The following ERMP1 variants were observed in gnomAD, a reference collection of about 807,000 sequenced individuals.
The protein encoded by ERMP1 is endoplasmic reticulum metallopeptidase 1, also known as Felix-ina.
ERMP1 carries 86 observed loss-of-function variants against 92.0 expected under a neutral mutation model. The observed-to-expected ratio is 0.93, with a 90% CI of 0.79 to 1.12. The LOEUF is 1.12. Ranked by LOEUF, ERMP1 falls within the 50% of genes most tolerant of loss-of-function variation. The pLI, the probability that ERMP1 is intolerant of heterozygous loss-of-function variation, is 0.00. For synonymous variants in ERMP1, 530 were observed against 412.8 expected, an observed-to-expected ratio of 1.28 and a Z score of -3.44; for missense variants, 1,342 against 1,116.3, an observed-to-expected ratio of 1.20 and a Z score of -2.88.
At chr9:5,823,701 A>T (rs1385511772) in intron 4 of ERMP1, among the ~76,000 whole-genome samples, 195 bp downstream of exon 4, 1 of 150,888 alleles carries the variant, frequency 6.6e-6, no homozygotes, top group Non-Finnish European at 1.5e-5. Context: ...GCATATAATA[A>T]GCACTATACA....
At chr9:5,801,442 T>A in intron 10 of ERMP1, 114 bp from the exon 11 acceptor site, 1 of 926,906 alleles carries the variant, frequency 1.1e-6, no homozygotes, top group Non-Finnish European at 1.6e-6. Flanking sequence ...GAAGAAAATT[T>A]ATCAGCAGGT....
intron 4 of ERMP1, among the ~76,000 whole-genome samples, chr9:5,817,433 G>A (rs568529062): frequency 1.3e-5 from 2 of 152,188 alleles, no homozygotes; most frequent in East Asian, 1.9e-4. Flanking sequence ...CAGGTGATCC[G>A]CCCGCCTTGG....
Position 5,787,129 on chromosome 9 carries a change from A to G in ERMP1, c.*15T>C. ...GAGTATCCACTGGGCATGTACTTAG[A>G]GCTCATCCACAAGATTAAAATACAA... On this transcript the variant is annotated 3_prime_UTR_variant, in exon 15 of 15. Transcript: ENST00000339450. 1.2e-6 allele frequency: 2 copies of G among 1,608,714 alleles called. No homozygotes were observed. Among genetic ancestry groups the G allele is most frequent in the East Asian group, 2.2e-5 (1 of 44,862 alleles).
intron 10 of ERMP1, among the ~76,000 whole-genome samples, chr9:5,801,580 A>C (rs1489059844): frequency 6.6e-6 from 1 of 152,188 alleles, no homozygotes; most frequent in Non-Finnish European, 1.5e-5. Context: ...GCATGCAGCC[A>C]AAAACCAAGA....
intron 10 of ERMP1, among the ~76,000 whole-genome samples, 185 bp downstream of exon 10, chr9:5,804,842 C>A (rs1402738243): frequency 6.6e-6 from 1 of 151,656 alleles, no homozygotes; most frequent in East Asian, 1.9e-4. Flanking sequence ...ACAGCAACAA[C>A]AAACTCTATA....
At chr9:5,850,161 A>G (rs1201074817) in intron 6 of ERMP1, among the ~76,000 whole-genome samples, 1 of 152,122 alleles carries the variant, frequency 6.6e-6, no homozygotes, top group Non-Finnish European at 1.5e-5. Flanking sequence ...GATCATCGGC[A>G]TCAGAATTAC....
At chr9:5,839,488 G>A (rs545647498) in intron 6 of ERMP1, among the ~76,000 whole-genome samples, 1 of 152,256 alleles carries the variant, frequency 6.6e-6, no homozygotes, top group East Asian at 1.9e-4. Context: ...TCAGCAGTTT[G>A]GGAATGAGAG....
intron 6 of ERMP1, among the ~76,000 whole-genome samples, chr9:5,839,899 T>C (rs1830139581): frequency 6.6e-6 from 1 of 152,138 alleles, no homozygotes; most frequent in African/African-American, 2.4e-5. Flanking sequence ...GCTAAAAAAA[T>C]CATCCTCCTG....
intron 5 of ERMP1, among the ~76,000 whole-genome samples, chr9:5,864,699 T>A (rs1043254635): frequency 6.6e-6 from 1 of 152,166 alleles, no homozygotes; most frequent in Non-Finnish European, 1.5e-5. Context: ...TAGGCAGGCC[T>A]GGAGAAGAAG....
rs1216538338 is a variant in ERMP1 at position 5,786,366 on chromosome 9, G to T, written c.*778C>A. On this transcript the variant is annotated 3_prime_UTR_variant, in exon 15 of 15. Coordinates refer to ENST00000339450, the MANE Select transcript of ERMP1 (RefSeq NM_024896.3). Reference sequence around the variant, plus strand: ...GCACAAACAATATTCTGAACCAAAAGAACCTACGAAAACCAGAGGGGTATG... The same window carrying T: ...GCACAAACAATATTCTGAACCAAAATAACCTACGAAAACCAGAGGGGTATG... 1.3e-5 allele frequency: 2 copies of T among 152,222 alleles called. No individual in the cohort carries two copies. Among genetic ancestry groups the T allele is most frequent in the Admixed American group, 1.3e-4 (2 of 15,278 alleles). 9.4% of individuals were successfully genotyped at this position (152,222 alleles called of 1,614,324 possible).
chr9:5,825,289 G>C, intron 2 of ERMP1, 70 bp from the exon 3 acceptor site: 1 of 1,452,602 alleles, frequency 6.9e-7, no homozygotes, highest in Non-Finnish European at 9.3e-7. Context: ...TTAGGACTAG[G>C]AATGGAGCTT....
At chr9:5,858,548 T>G (rs1044268543) in intron 6 of ERMP1, among the ~76,000 whole-genome samples, 2 of 152,218 alleles carry the variant, frequency 1.3e-5, no homozygotes, top group African/African-American at 2.4e-5. Flanking sequence ...GCATGCATTC[T>G]GCTAGCCTAT....
intron 8 of ERMP1, among the ~76,000 whole-genome samples, chr9:5,807,833 C>G (rs771586169): frequency 4.6e-5 from 7 of 152,126 alleles, no homozygotes; most frequent in African/African-American, 7.2e-5. Flanking sequence ...CATCTCGCCT[C>G]CCCTATATTC....
chr9:5,795,427 A>C (rs1477956608), intron 13 of ERMP1, among the ~76,000 whole-genome samples: 1 of 152,182 alleles, frequency 6.6e-6, no homozygotes. Flanking sequence ...AAAATTATAG[A>C]TATTAGGAAG....
chr9:5,836,270 C>T (rs1830095225), upstream of ERMP1, among the ~76,000 whole-genome samples: 1 of 152,182 alleles, frequency 6.6e-6, no homozygotes, highest in Non-Finnish European at 1.5e-5. Context: ...AAAACCATAG[C>T]CTGTGTACTT....
rs1346929169 is a variant in ERMP1 at position 5,811,215 on chromosome 9, A to C, written c.1223T>G (p.Phe408Cys). ...NMVFFDVLGL[F>C]VIAYPSRIGS... Reference sequence around the variant, plus strand: ...AATACGAGAGGGGTAGGCAATGACAAACAGGCCCAGCACATCAAAGAAGAC... The same window carrying C: ...AATACGAGAGGGGTAGGCAATGACACACAGGCCCAGCACATCAAAGAAGAC... The change falls in exon 7 of 15, where the codon TTT becomes TGT. Residue 408 changes from phenylalanine (F) to cysteine (C), a missense_variant. Physicochemically the swap from Phe to Cys is radical, Grantham distance 205. Transcript: ENST00000339450. 1 of 1,614,098 alleles carries C rather than the reference A, an allele frequency of 6.2e-7. No homozygotes were observed. Among genetic ancestry groups the C allele is most frequent in the East Asian group, 2.2e-5 (1 of 44,878 alleles).
intron 6 of ERMP1, among the ~76,000 whole-genome samples, chr9:5,848,167 G>A (rs937338255): frequency 1.3e-5 from 2 of 152,142 alleles, no homozygotes; most frequent in Admixed American, 6.5e-5. Context: ...ACTTGGCAAA[G>A]GGACTTTCAA....
intron 6 of ERMP1, among the ~76,000 whole-genome samples, chr9:5,851,248 T>G (rs921668690): frequency 3.3e-5 from 5 of 152,208 alleles, no homozygotes; most frequent in Non-Finnish European, 7.3e-5. Context: ...CCTTTAGCAG[T>G]CATACAGCAC....
chr9:5,788,271 T>C (rs186349903), intron 13 of ERMP1, among the ~76,000 whole-genome samples: 44 of 152,334 alleles, frequency 2.9e-4, no homozygotes, highest in Non-Finnish European at 1.0e-4. Flanking sequence ...CTGCAAGGCT[T>C]TGTGGCAAAT....
Sources: gnomAD v4.1 joint callset for allele counts (sites outside exome capture counted in the v4.1 genomes callset) on GRCh38, gnomAD v4.1.1 for gene constraint, MANE v1.5 for transcripts, NCBI Gene and HGNC (gene_info 2026-07-23, HGNC 2026-07-21) for gene names.